Variants in RBPMS observed in about 807,000 individuals in gnomAD.
RBPMS encodes RNA binding protein, mRNA processing factor.
RBPMS carries 7 observed loss-of-function variants against 26.8 expected under a neutral mutation model. That is an observed-to-expected ratio of 0.26 (90% CI 0.15 to 0.49). The LOEUF (loss-of-function observed/expected upper bound fraction) is 0.49. Among genes scored for constraint, RBPMS ranks in the 20% least tolerant of loss-of-function variants. RBPMS has a pLI of 0.98. For missense variants in RBPMS, 186 were observed against 250.0 expected (o/e 0.74, Z 1.73); for synonymous variants, 96 against 93.3 (o/e 1.03, Z -0.17).
chr8:30,427,091 G>C (rs1004280467), intron 1 of RBPMS, among the ~76,000 whole-genome samples: 1 of 152,092 alleles, frequency 6.6e-6, no homozygotes, highest in Admixed American at 6.6e-5. Context: ...ACGCCAGGCC[G>C]ACCTCCCCTT....
intron 1 of RBPMS, among the ~76,000 whole-genome samples, chr8:30,444,102 G>T (rs12675128): frequency 0.21 from 31,780 of 150,652 alleles, 3,661 homozygotes; most frequent in Middle Eastern, 0.33. Flanking sequence ...CACCATATTG[G>T]CCAAGCTGGT....
chr8:30,411,403 G>A (rs1809376480), intron 1 of RBPMS, among the ~76,000 whole-genome samples: 1 of 152,118 alleles, frequency 6.6e-6, no homozygotes, highest in Non-Finnish European at 1.5e-5. Flanking sequence ...GGTGGCTCAC[G>A]CCTGTAATCC....
chr8:30,517,188 C>CTGTG (rs1822417076), intron 5 of RBPMS, among the ~76,000 whole-genome samples: 1 of 111,136 alleles, frequency 9.0e-6, no homozygotes, highest in African/African-American at 3.8e-5. Context: ...GGCCAAGACC[C>CTGTG]CGTGTGTGTG....
At chr8:30,511,471 GAAAAAAAAAAA>G (rs1188894079) in intron 5 of RBPMS, among the ~76,000 whole-genome samples, 81 of 11,116 alleles carry the variant, frequency 7.3e-3, no homozygotes, top group African/African-American at 0.019. Context: ...AACAAAAAAA[GAAAAAAAAAAA>G]AAAAATATAT....
At chr8:30,446,829 G>GTGTT (rs1461817953) in intron 1 of RBPMS, 1 of 100,396 alleles carries the variant, frequency 1.0e-5, no homozygotes, top group Non-Finnish European at 1.9e-5. Context: ...GTGTGTGTGT[G>GTGTT]TGTGTGTGTG....
chr8:30,473,000 T>C (rs1817300483), intron 1 of RBPMS, among the ~76,000 whole-genome samples: 1 of 152,236 alleles, frequency 6.6e-6, no homozygotes, highest in South Asian at 2.1e-4. Flanking sequence ...CATGTATATA[T>C]TCATGGTTAA....
chr8:30,549,772 T>TTTTCTTCTCTCTCTCTC (rs1182285469), intron 6 of RBPMS, among the ~76,000 whole-genome samples: 4 of 71,222 alleles, frequency 5.6e-5, no homozygotes, highest in African/African-American at 1.5e-4. Flanking sequence ...TTTTCTTTTC[T>TTTTCTTCTCTCTCTCTC]TCTCTCTCTC....
At chr8:30,569,259 T>C (rs1828103900) in intron 8 of RBPMS, among the ~76,000 whole-genome samples, 1 of 152,158 alleles carries the variant, frequency 6.6e-6, no homozygotes, top group Non-Finnish European at 1.5e-5. Context: ...TCCTACAGTC[T>C]AAGTGTCTGA....
chr8:30,466,928 T>A (rs1220452960), intron 1 of RBPMS, among the ~76,000 whole-genome samples: 1 of 152,138 alleles, frequency 6.6e-6, no homozygotes, highest in East Asian at 1.9e-4. Flanking sequence ...GGTTAGTCAA[T>A]CCTTGGTGTC....
At chr8:30,496,116 A>C (rs1338515083) in intron 4 of RBPMS, among the ~76,000 whole-genome samples, 1 of 151,312 alleles carries the variant, frequency 6.6e-6, no homozygotes. Flanking sequence ...CTCCTGCCTA[A>C]TGAATGCCTG....
intron 1 of RBPMS, among the ~76,000 whole-genome samples, chr8:30,464,751 A>G (rs1816314583): frequency 6.6e-6 from 1 of 152,212 alleles, no homozygotes; most frequent in Non-Finnish European, 1.5e-5. Context: ...AGATTATGCA[A>G]AAAGAGAAAG....
At chr8:30,408,308 C>CA (rs1808886593) in intron 1 of RBPMS, among the ~76,000 whole-genome samples, 1 of 152,184 alleles carries the variant, frequency 6.6e-6, no homozygotes, top group Non-Finnish European at 1.5e-5. Flanking sequence ...GCAGGCGGAT[C>CA]ACCTGAGGCC....
At chr8:30,434,996 A>ACCTC (rs1554512724) in intron 1 of RBPMS, among the ~76,000 whole-genome samples, 3 of 150,506 alleles carry the variant, frequency 2.0e-5, no homozygotes, top group African/African-American at 7.4e-5. Context: ...TCCAAAGAAG[A>ACCTC]CATCCATCCA....
intron 8 of RBPMS, among the ~76,000 whole-genome samples, chr8:30,569,458 G>C (rs919160712): frequency 8.5e-5 from 13 of 152,202 alleles, no homozygotes; most frequent in Non-Finnish European, 1.3e-4. Flanking sequence ...AGACAGTGTG[G>C]CCTGTATATG....
chr8:30,524,353 C>G (rs1047843773), intron 5 of RBPMS, among the ~76,000 whole-genome samples: 3 of 151,984 alleles, frequency 2.0e-5, no homozygotes, highest in African/African-American at 7.2e-5. Flanking sequence ...GAAGATTATA[C>G]CAATGTACAC....
At chr8:30,446,017 T>C (rs1813723522) in intron 1 of RBPMS, among the ~76,000 whole-genome samples, 1 of 152,130 alleles carries the variant, frequency 6.6e-6, no homozygotes, top group Non-Finnish European at 1.5e-5. Context: ...ATGAAATCAG[T>C]GAAGACACCA....
chr8:30,549,634 G>A (rs199654400), intron 6 of RBPMS: 23 of 1,420,290 alleles, frequency 1.6e-5, no homozygotes, highest in Middle Eastern at 3.5e-4. Flanking sequence ...GAGGAGGGGC[G>A]GACGGGGAGG....
chr8:30,491,930 G>A (rs1030143091), intron 4 of RBPMS, among the ~76,000 whole-genome samples: 1 of 151,534 alleles, frequency 6.6e-6, no homozygotes, highest in Non-Finnish European at 1.5e-5. Flanking sequence ...CGCTCTTGTC[G>A]CCCAGGCTGG....
chr8:30,549,017 G>A (rs1826081274), intron 6 of RBPMS, among the ~76,000 whole-genome samples: 1 of 152,230 alleles, frequency 6.6e-6, no homozygotes, highest in Non-Finnish European at 1.5e-5. Context: ...GAGTCGCCCA[G>A]CAGCGAGACA....
Sources: gnomAD v4.1 joint callset for allele counts (sites outside exome capture counted in the v4.1 genomes callset) on GRCh38, gnomAD v4.1.1 for gene constraint, MANE v1.5 for transcripts, NCBI Gene and HGNC (gene_info 2026-07-23, HGNC 2026-07-21) for gene names.